Variants in SPTBN4 observed in about 807,000 individuals in gnomAD.
The protein encoded by SPTBN4 is spectrin beta, non-erythrocytic 4.
A neutral mutation model predicts 277.8 loss-of-function variants in SPTBN4; 96 were observed. The ratio of observed to expected loss-of-function variants is 0.35; its 90% CI spans 0.29 to 0.41. SPTBN4 has a LOEUF of 0.41. Ranked by LOEUF, SPTBN4 falls within the 10% of genes least tolerant of loss-of-function variation. The pLI is 1.00. For missense variants in SPTBN4, 3,006 were observed against 3,595.7 expected, an observed-to-expected ratio of 0.84 and a Z score of 4.19; for synonymous variants, 1,481 against 1,580.3, an observed-to-expected ratio of 0.94 and a Z score of 1.49.
Position 40,504,090 on chromosome 19 carries a change from C to G in SPTBN4, c.1623C>G (p.Phe541Leu), listed in dbSNP as rs1366449023. 1.9e-6 allele frequency: 3 copies of G among 1,561,776 alleles called. No homozygotes were observed. The highest frequency in any genetic ancestry group is 2.6e-6 in the Non-Finnish European group (3 of 1,150,142). ...AGAACCTTGCCCTGCAGAAGGTCTT[C>G]CAGGAGATGGTGTACATGGTGGACT... is the stretch of plus-strand genomic sequence containing the variant. The part of the protein sequence containing the change: ...LEQNLALQKV[F>L]QEMVYMVDWM... The change falls in exon 12 of 36, where the codon TTC becomes TTG. Residue 541 changes from phenylalanine (F) to leucine (L), a missense_variant. Transcript: ENST00000598249.
chr19:40,541,791 C>T (rs2080804937), intron 20 of SPTBN4, among the ~76,000 whole-genome samples: 1 of 152,328 alleles, frequency 6.6e-6, no homozygotes, highest in South Asian at 2.1e-4. Flanking sequence ...GTCACCCAGG[C>T]TGGAGTGCAG....
chr19:40,487,348 C>CTT lies in SPTBN4; in HGVS notation c.170-335_170-334dup, dbSNP rs574600197. Among the ~76,000 whole-genome samples, 68 of 128,358 alleles carry CTT rather than the reference C, an allele frequency of 5.3e-4. No homozygotes were observed. The South Asian group carries it at 7.1e-3, about 13-fold the overall frequency. The allele number at this position is 128,358 out of a possible 152,430, so 84.2% of individuals were successfully genotyped here. On this transcript the variant is annotated intron_variant, in intron 2 of 35. Transcript: ENST00000598249. ...AGCCACCGCGCCCAGCCGACTCACT[C>CTT]TTTTTTTTTTTTTTTGAGATGGAGT...
chr19:40,468,486 C>G (rs1242520799), intron 1 of SPTBN4, among the ~76,000 whole-genome samples: 4 of 152,162 alleles, frequency 2.6e-5, no homozygotes, highest in Non-Finnish European at 4.4e-5. Context: ...AAGCGATTCT[C>G]CTGCCTCAGC....
rs1286861980 is a variant in SPTBN4 at position 40,569,711 on chromosome 19, A to C, written c.7011A>C (p.Pro2337=). ...AGCTGCAGGAGAAAGAGGCAGGCCC[A>C]GGGCTGCCTGCTGGGGTAAGTTGAG... ...VEQLQEKEAG[P]GLPAGPSLPQ... is the part of the protein sequence containing the mutation. The change falls in exon 32 of 36, where the codon CCA becomes CCC. Residue 2337 remains proline, a synonymous_variant. Transcript: ENST00000598249. The C allele has an allele frequency of 6.2e-7, 1 of 1,611,950 alleles. No homozygotes were observed. The highest frequency in any genetic ancestry group is 1.3e-5 in the African/African-American group (1 of 74,730).
At chr19:40,489,651 G>A (rs991374036) in intron 3 of SPTBN4, among the ~76,000 whole-genome samples, 4 of 152,188 alleles carry the variant, frequency 2.6e-5, no homozygotes, top group Admixed American at 2.6e-4. Context: ...GCCTCCCAAA[G>A]TGCTGGGATT....
Position 40,512,989 on chromosome 19 carries a change from C to T in SPTBN4, c.2200C>T (p.Pro734Ser). Residue 734 changes from proline to serine, a missense_variant, in exon 14 of 36, where the codon CCG becomes TCG. Around this residue, in one of 5 missense-constraint regions of SPTBN4, gnomAD observed 1,759 missense variants for 2,061.5 expected, o/e 0.85. Coordinates refer to ENST00000598249, the MANE Select transcript of SPTBN4 (RefSeq NM_020971.3). ...GGTTGCGGCCGGCGGTGCCGTCGGC[C>T]CGGGAGCAGACACCGTGCACCTGGT... ...ELVAAGGAVG[P>S]GADTVHLVGL... 1.4e-6 allele frequency: 2 copies of T among 1,420,378 alleles called. No individual in the cohort carries two copies. Among genetic ancestry groups the T allele is most frequent in the East Asian group, 3.1e-5 (1 of 32,424 alleles). The allele number at this position is 1,420,378 out of a possible 1,614,324, so 88.0% of individuals were successfully genotyped here. A position where few individuals can be genotyped will look rare whatever the true frequency, so the allele number is the denominator to read the frequency against.
chr19:40,501,949 G>A lies in SPTBN4; in HGVS notation c.813G>A (p.Lys271=). ...EDVNMEAPDE[K]SIITYVVSFY... is the part of the protein sequence containing the mutation. Reference sequence around the variant, plus strand: ...TGAACATGGAGGCTCCAGATGAGAAGTCCATCATCACCTACGTGGTCTCTT... The same window carrying A: ...TGAACATGGAGGCTCCAGATGAGAAATCCATCATCACCTACGTGGTCTCTT... Residue 271 remains lysine (K), a synonymous_variant, in exon 8 of 36, where the codon AAG becomes AAA. Coordinates refer to ENST00000598249, the MANE Select transcript of SPTBN4 (RefSeq NM_020971.3). The A allele has an allele frequency of 6.2e-7, 1 of 1,614,180 alleles. No individual in the cohort carries two copies. The highest frequency in any genetic ancestry group is 1.3e-5 in the African/African-American group (1 of 75,048).
At chr19:40,570,050 C>T (rs1028675831) in intron 32 of SPTBN4, among the ~76,000 whole-genome samples, 7 of 150,740 alleles carry the variant, frequency 4.6e-5, no homozygotes, top group Non-Finnish European at 1.0e-4. Flanking sequence ...ACAGACTCTT[C>T]CCACATCTGT....
intron 13 of SPTBN4, among the ~76,000 whole-genome samples, chr19:40,509,940 C>T (rs2080372615): frequency 6.6e-6 from 1 of 152,186 alleles, no homozygotes; most frequent in African/African-American, 2.4e-5. Flanking sequence ...GGGACCCTCT[C>T]CTTCACCTTA....
intron 2 of SPTBN4, among the ~76,000 whole-genome samples, chr19:40,482,903 A>G (rs550031806): frequency 2.6e-5 from 4 of 152,098 alleles, no homozygotes; most frequent in East Asian, 3.9e-4. Flanking sequence ...GGAGGTTGCA[A>G]TGAGCCAAGA....
At chr19:40,470,156 G>C (rs1190702190) in intron 1 of SPTBN4, among the ~76,000 whole-genome samples, 1 of 151,486 alleles carries the variant, frequency 6.6e-6, no homozygotes, top group East Asian at 1.9e-4. Flanking sequence ...ACAATGCCAT[G>C]CCTGGCTAAT....
chr19:40,515,280 C>T lies in SPTBN4; in HGVS notation c.2766-31C>T, dbSNP rs180879055. 9.1e-5 allele frequency: 147 copies of T among 1,608,750 alleles called. No homozygotes were observed. The African/African-American group carries it at 1.0e-3, about 11-fold the overall frequency. The stretch of plus-strand genomic sequence containing the variant: ...TCATAAAACCAAGGTCCGCAGGGTT[C>T]GGGTGTCTGAGCATCTCCATCCTCC... On this transcript the variant is annotated intron_variant, in intron 14 of 35. Coordinates refer to ENST00000598249, the MANE Select transcript of SPTBN4 (RefSeq NM_020971.3). This position sits in a 1 kb window ranked among gnomAD's most constrained non-coding sequence, Gnocchi z 4.1.
intron 20 of SPTBN4, among the ~76,000 whole-genome samples, chr19:40,544,441 T>TC (rs1491415905): frequency 4.8e-5 from 2 of 41,944 alleles, no homozygotes; most frequent in African/African-American, 2.2e-4. Flanking sequence ...TGTGCCCGGC[T>TC]TTTTTTTTTT....
intron 2 of SPTBN4, among the ~76,000 whole-genome samples, chr19:40,475,826 G>A (rs1156542001): frequency 6.6e-6 from 1 of 150,860 alleles, no homozygotes; most frequent in Non-Finnish European, 1.5e-5. Context: ...CGGGCGGATC[G>A]CTTGAGCCCA....
chr19:40,473,849 TGAAGACC>T (rs1396111602), intron 2 of SPTBN4, among the ~76,000 whole-genome samples: 1 of 151,666 alleles, frequency 6.6e-6, no homozygotes, highest in Non-Finnish European at 1.5e-5. Context: ...CCTCTTGAAA[TGAAGACC>T]TCTGGCCTGG....
At chr19:40,550,419 A>T in intron 22 of SPTBN4, 92 bp downstream of exon 22, 8 of 1,204,942 alleles carry the variant, frequency 6.6e-6, no homozygotes, top group Non-Finnish European at 9.5e-6. Flanking sequence ...CAATGAATGT[A>T]TTGGCTTTTG....
rs1407913172 is a variant in SPTBN4, at chr19:40,524,693, T to G, written c.3857+1054T>G. 8.9e-6 allele frequency: 4 copies of G among 448,780 alleles called. 1 individual carries two copies. The highest frequency in any genetic ancestry group is 8.0e-5 in the African/African-American group (4 of 49,910). 27.8% of individuals were successfully genotyped at this position (448,780 alleles called of 1,614,324 possible). A position where few individuals can be genotyped will look rare whatever the true frequency, so the allele number is the denominator to read the frequency against. ...CAGGCTGGTTGTCAAATATTTTGCA[T>G]AAGCACCTCTTCCTGGCCCCAGCCA... On this transcript the variant is annotated intron_variant, in intron 17 of 35. Transcript: ENST00000598249.
chr19:40,541,107 G>A (rs2080796853), intron 20 of SPTBN4, among the ~76,000 whole-genome samples: 1 of 152,128 alleles, frequency 6.6e-6, no homozygotes, highest in Non-Finnish European at 1.5e-5. Context: ...CAATGCTACT[G>A]GCGAGCTTGA....
At chr19:40,546,389 C>CT (rs200586429) in intron 20 of SPTBN4, among the ~76,000 whole-genome samples, 15 of 150,758 alleles carry the variant, frequency 9.9e-5, no homozygotes, top group East Asian at 1.9e-4. Context: ...TTGGGCAGTC[C>CT]TTTTTTTTTG....
Sources: gnomAD v4.1 joint callset for allele counts (sites outside exome capture counted in the v4.1 genomes callset) on GRCh38, gnomAD v4.1.1 for gene constraint, gnomAD v4.1.1 regional missense constraint, Gnocchi (gnomAD v3.1) non-coding constraint, MANE v1.5 for transcripts, NCBI Gene and HGNC (gene_info 2026-07-23, HGNC 2026-07-21) for gene names.